The following HDX variants were observed in gnomAD, a reference collection of about 807,000 sequenced individuals.
HDX encodes chromosome X open reading frame 43.
A neutral mutation model predicts 45.2 loss-of-function variants in HDX; 19 were observed. The ratio of observed to expected loss-of-function variants is 0.42; its 90% CI spans 0.29 to 0.62. HDX has a LOEUF of 0.62. Among genes scored for constraint, HDX ranks in the 20% least tolerant of loss-of-function variants. The pLI is 0.20. For synonymous variants in HDX, 188 were observed against 172.8 expected (o/e 1.09, Z -0.69); for missense variants, 532 against 493.9 (o/e 1.08, Z -0.73).
chrX:84,360,041 G>A lies in HDX; in HGVS notation c.1452+1425C>T, dbSNP rs780153028. Among the ~76,000 whole-genome samples, 3 of 111,596 alleles carry A rather than the reference G, an allele frequency of 2.7e-5. No homozygotes were observed. The East Asian group carries it at 8.5e-4, about 31-fold the overall frequency. ...TTTACAATATACCCATCTGACTAAG[G>A]TCTAATATACACAGTCTACGAGGAA... On this transcript the variant is annotated intron_variant, in intron 6 of 10. Coordinates refer to ENST00000373177, the MANE Select transcript of HDX (RefSeq NM_001177479.2).
chrX:84,326,717 G>T lies in HDX; in HGVS notation c.1825-417C>A, dbSNP rs1220556401. The stretch of plus-strand genomic sequence containing the variant: ...ACCTTAGGTCAGAAGTTTGAGACCA[G>T]CCTGGCCAACATGGTGAAACCCCGT... On this transcript the variant is annotated intron_variant, in intron 9 of 10. Coordinates refer to ENST00000373177, the MANE Select transcript of HDX (RefSeq NM_001177479.2). Among the ~76,000 whole-genome samples the T allele has an allele frequency of 2.7e-5, 3 of 110,423 alleles. No homozygotes were observed. The East Asian group carries it at 8.6e-4, about 32-fold the overall frequency.
At chrX:84,413,879 T>C (rs1048326461) in intron 5 of HDX, among the ~76,000 whole-genome samples, 1 of 111,388 alleles carries the variant, frequency 9.0e-6, no homozygotes, top group East Asian at 2.8e-4. Context: ...GATCACTAAG[T>C]ATTATTTAAA....
intron 5 of HDX, among the ~76,000 whole-genome samples, chrX:84,406,483 CACACACACACACACACAT>C (rs1180101640): frequency 5.0e-5 from 4 of 79,534 alleles, no homozygotes; most frequent in East Asian, 7.8e-4. Context: ...CACACACACA[CACACACACACACACACAT>C]ACACACACAC....
chrX:84,435,703 T>C (rs1346003072), intron 5 of HDX, among the ~76,000 whole-genome samples: 1 of 108,401 alleles, frequency 9.2e-6, no homozygotes, highest in Non-Finnish European at 1.9e-5. Context: ...AGGTCTAACG[T>C]TTAAATCTTT....
chrX:84,423,054 A>G (rs1045320365), intron 5 of HDX, among the ~76,000 whole-genome samples: 3 of 111,411 alleles, frequency 2.7e-5, no homozygotes, highest in Non-Finnish European at 5.6e-5. Flanking sequence ...GAAATTAAAA[A>G]TAAGACATTA....
intron 4 of HDX, among the ~76,000 whole-genome samples, chrX:84,458,942 A>G (rs1454311193): frequency 8.9e-6 from 1 of 112,198 alleles, no homozygotes; most frequent in African/African-American, 3.2e-5. Context: ...CTTTTTAGAT[A>G]CTAGCTAAAG....
At chrX:84,460,811 A>C (rs1327975183) in intron 4 of HDX, among the ~76,000 whole-genome samples, 1 of 112,335 alleles carries the variant, frequency 8.9e-6, no homozygotes, top group Non-Finnish European at 1.9e-5. Flanking sequence ...TCTGCCAAAA[A>C]ACTATTAGAA....
intron 5 of HDX, among the ~76,000 whole-genome samples, chrX:84,382,622 T>C (rs780716071): frequency 2.3e-4 from 26 of 111,531 alleles, no homozygotes; most frequent in Non-Finnish European, 4.0e-4. Flanking sequence ...TGTTCTCAGT[T>C]ATTTGTGGGA....
intron 1 of HDX, among the ~76,000 whole-genome samples, chrX:84,492,645 G>C (rs371339527): frequency 8.9e-4 from 99 of 111,232 alleles, no homozygotes; most frequent in African/African-American, 3.2e-3. Context: ...TCATCAACTG[G>C]CCATCAGTAC....
chrX:84,324,674 C>A (rs1199915735), intron 10 of HDX, among the ~76,000 whole-genome samples: 2 of 110,688 alleles, frequency 1.8e-5, no homozygotes, highest in African/African-American at 6.5e-5. Flanking sequence ...GGAAAAGAAC[C>A]AAACCAGGAA....
At chrX:84,484,658 C>T (rs2040753651) in intron 2 of HDX, among the ~76,000 whole-genome samples, 1 of 111,887 alleles carries the variant, frequency 8.9e-6, no homozygotes, top group African/African-American at 3.3e-5. Context: ...ATGTAAGTGT[C>T]TCATTTTCTC....
intron 5 of HDX, among the ~76,000 whole-genome samples, chrX:84,363,767 T>A (rs1247862654): frequency 3.6e-5 from 4 of 112,172 alleles, no homozygotes; most frequent in Non-Finnish European, 7.5e-5. Context: ...AAAAGATGAA[T>A]TTTTTCCCAG....
intron 10 of HDX, among the ~76,000 whole-genome samples, chrX:84,324,469 C>T (rs2036667783): frequency 9.0e-6 from 1 of 111,233 alleles, no homozygotes; most frequent in African/African-American, 3.3e-5. Context: ...TCATTATACT[C>T]ATTCTTAATT....
chrX:84,361,529 A>G lies in HDX; in HGVS notation c.1389T>C (p.Ser463=). Residue 463 remains serine (S), a synonymous_variant, in exon 6 of 11, where the codon TCT becomes TCC. Coordinates refer to ENST00000373177, the MANE Select transcript of HDX (RefSeq NM_001177479.2). ...YWDNGMTSLG[S]VCREKIEAVA... ...CAGCTTCAATTTTCTCTCTACAAAC[A>G]GAGCCCAGGCTGGTCATGCCATTGT... The G allele has an allele frequency of 1.7e-6, 2 of 1,206,790 alleles. No homozygotes were observed. Among genetic ancestry groups the G allele is most frequent in the Middle Eastern group, 2.3e-4 (1 of 4,338 alleles).
At chrX:84,438,840 G>A (rs1218195481) in intron 5 of HDX, among the ~76,000 whole-genome samples, 2 of 111,316 alleles carry the variant, frequency 1.8e-5, no homozygotes, top group African/African-American at 6.5e-5. Context: ...GCACTGTAAT[G>A]AATATATGGC....
At chrX:84,336,693 G>T in intron 8 of HDX, 108 bp downstream of exon 8, 1 of 544,320 alleles carries the variant, frequency 1.8e-6, no homozygotes, top group Non-Finnish European at 3.0e-6. Context: ...GTTTTGGTTT[G>T]TGAAGTGGAG....
At chrX:84,422,706 T>A (rs1361897754) in intron 5 of HDX, among the ~76,000 whole-genome samples, 3 of 91,881 alleles carry the variant, frequency 3.3e-5, no homozygotes, top group Admixed American at 2.5e-4. Flanking sequence ...TCTGGCTCTG[T>A]CACCCAGGCT....
chrX:84,465,777 A>G (rs1225467152), intron 4 of HDX, among the ~76,000 whole-genome samples: 2 of 111,348 alleles, frequency 1.8e-5, no homozygotes, highest in African/African-American at 3.3e-5. Context: ...TATGTAACAA[A>G]CCTGCACGTT....
rs185217696 is a variant in HDX at position 84,406,797 on chromosome X, G to A, written c.1305+33735C>T. Among the ~76,000 whole-genome samples the A allele has an allele frequency of 1.2e-4, 13 of 109,944 alleles. No homozygotes were observed. In the East Asian group the frequency reaches 3.4e-3, roughly 29 times the overall value. Reference sequence around the variant, plus strand: ...AGAAGGCTTTCTTACTATATGTCAGGTTAAATTACTAATTTAAACATTTGT... The same window carrying A: ...AGAAGGCTTTCTTACTATATGTCAGATTAAATTACTAATTTAAACATTTGT... On this transcript the variant is annotated intron_variant, in intron 5 of 10. Transcript: ENST00000373177.
Sources: gnomAD v4.1 joint callset for allele counts (sites outside exome capture counted in the v4.1 genomes callset) on GRCh38, gnomAD v4.1.1 for gene constraint, MANE v1.5 for transcripts, NCBI Gene and HGNC (gene_info 2026-07-23, HGNC 2026-07-21) for gene names.